Variants in RTN3 observed in about 807,000 individuals in gnomAD.
RTN3 encodes the protein reticulon 3.
A neutral mutation model predicts 77.8 loss-of-function variants in RTN3; 49 were observed. The observed-to-expected ratio is 0.63, with a 90% CI of 0.50 to 0.80. RTN3 has a LOEUF of 0.80. RTN3 is among the 30% of genes least tolerant of loss of function. The pLI, the probability that RTN3 is intolerant of heterozygous loss-of-function variation, is 0.00. For synonymous variants in RTN3, 464 were observed against 446.9 expected, an observed-to-expected ratio of 1.04 and a Z score of -0.48; for missense variants, 1,236 against 1,211.9, an observed-to-expected ratio of 1.02 and a Z score of -0.29.
chr11:63,753,749 G>A, intron 7 of RTN3, 41 bp downstream of exon 7: 4 of 1,518,552 alleles, frequency 2.6e-6, no homozygotes, highest in Non-Finnish European at 3.7e-6. Flanking sequence ...GCCAGTTGAT[G>A]TATGACTAGT....
At chr11:63,704,775 C>T in intron 1 of RTN3, 76 bp from the exon 2 acceptor site, 1 of 1,024,910 alleles carries the variant, frequency 9.8e-7, no homozygotes, top group Non-Finnish European at 1.5e-6. Flanking sequence ...GGCTCTTCCT[C>T]CCCATCAAAA....
At chr11:63,689,599 A>AT (rs879601430) in intron 1 of RTN3, among the ~76,000 whole-genome samples, 5,505 of 146,180 alleles carry the variant, frequency 0.038, 315 homozygotes, top group African/African-American at 0.13. Flanking sequence ...TGCTCTTGTG[A>AT]TTTTTTTTTT....
intron 3 of RTN3, among the ~76,000 whole-genome samples, chr11:63,737,863 A>G (rs967516929): frequency 2.6e-5 from 4 of 152,220 alleles, no homozygotes; most frequent in Non-Finnish European, 5.9e-5. Flanking sequence ...AGACTTATCT[A>G]TGGCCAAAAG....
Position 63,758,146 on chromosome 11 carries a change from T to G in RTN3, c.3054-10T>G. ...CACTTTCTTTCTTTTTCCCCTCCTT[T>G]TCTCAATAGGATCCAAGCAAAACTC... On this transcript the variant is annotated splice_polypyrimidine_tract_variant and intron_variant, in intron 8 of 8. Coordinates refer to ENST00000377819, the MANE Select transcript of RTN3 (RefSeq NM_001265589.2). The G allele has an allele frequency of 6.4e-7, 1 of 1,564,342 alleles. No individual in the cohort carries two copies. Among genetic ancestry groups the G allele is most frequent in the Middle Eastern group, 1.7e-4 (1 of 5,878 alleles).
intron 3 of RTN3, among the ~76,000 whole-genome samples, chr11:63,735,109 C>T (rs1387936026): frequency 2.0e-5 from 3 of 152,174 alleles, no homozygotes; most frequent in East Asian, 1.9e-4. Flanking sequence ...TCATTGTAAC[C>T]TCCGCCTCTA....
rs770017108 is a variant in RTN3 at position 63,719,730 on chromosome 11, C to T, written c.1228C>T (p.Leu410Phe). 5 of 1,614,142 alleles carry T rather than the reference C, an allele frequency of 3.1e-6. No individual in the cohort carries two copies. Among genetic ancestry groups the T allele is most frequent in the Non-Finnish European group, 4.2e-6 (5 of 1,180,016 alleles). The change falls in exon 3 of 9, where the codon CTC (leucine) becomes TTC (phenylalanine). Residue 410 changes from leucine (L) to phenylalanine (F), a missense_variant. This residue lies in a region of RTN3 where 1,056 missense variants were observed against 990.4 expected (regional missense o/e 1.07). Coordinates refer to ENST00000377819, the MANE Select transcript of RTN3 (RefSeq NM_001265589.2). ...KSTGDWAEAS[L>F]QQENAITGKP... is the part of the protein sequence containing the mutation. Reference sequence around the variant, plus strand: ...AACAGGTGATTGGGCAGAAGCATCTCTCCAGCAAGAAAATGCTATTACTGG... The same window carrying T: ...AACAGGTGATTGGGCAGAAGCATCTTTCCAGCAAGAAAATGCTATTACTGG...
Position 63,754,775 on chromosome 11 carries a change from A to G in RTN3, c.2994+1067A>G, listed in dbSNP as rs1161827754. Among the ~76,000 whole-genome samples the G allele has an allele frequency of 2.0e-5, 3 of 150,480 alleles. No homozygotes were observed. In the Admixed American group the frequency reaches 2.0e-4, roughly 10 times the overall value. ...ACCCCGTCTCTACTAAAAATACAAA[A>G]AATTAGCCAGGCATGGTGGCGGGCG... is the stretch of plus-strand genomic sequence containing the variant. On this transcript the variant is annotated intron_variant, in intron 7 of 8. Transcript: ENST00000377819.
chr11:63,681,611 C>T lies in RTN3; in HGVS notation c.-26C>T, dbSNP rs11551938. 1.3e-6 allele frequency: 2 copies of T among 1,573,344 alleles called. No homozygotes were observed. Among genetic ancestry groups the T allele is most frequent in the Middle Eastern group, 1.8e-4 (1 of 5,518 alleles). On this transcript the variant is annotated 5_prime_UTR_variant, in exon 1 of 9. Coordinates refer to ENST00000377819, the MANE Select transcript of RTN3 (RefSeq NM_001265589.2). Reference sequence around the variant, plus strand: ...CTCCCGCCCCGTATCTCTTTTCACCCTTCTCCCACCCTCGCTCGCGTAGCC... The same window carrying T: ...CTCCCGCCCCGTATCTCTTTTCACCTTTCTCCCACCCTCGCTCGCGTAGCC...
At chr11:63,736,989 T>TC (rs1555078435) in intron 3 of RTN3, among the ~76,000 whole-genome samples, 74 of 150,708 alleles carry the variant, frequency 4.9e-4, no homozygotes, top group African/African-American at 1.7e-3. Flanking sequence ...TTTTTTTTTT[T>TC]CCCTGTGATA....
At chr11:63,725,071 T>C (rs2012143929) in intron 3 of RTN3, among the ~76,000 whole-genome samples, 1 of 152,112 alleles carries the variant, frequency 6.6e-6, no homozygotes, top group South Asian at 2.1e-4. Context: ...TTAGCATTGG[T>C]AGTCATATTT....
chr11:63,743,725 G>A (rs186922816), intron 3 of RTN3, among the ~76,000 whole-genome samples: 1,681 of 152,182 alleles, frequency 0.011, 33 homozygotes, highest in African/African-American at 0.037. Context: ...GACCAGCCTG[G>A]CCAACATGGT....
Position 63,720,439 on chromosome 11 carries a change from T to C in RTN3, c.1937T>C (p.Ile646Thr), listed in dbSNP as rs1240279004. 9 of 1,613,522 alleles carry C rather than the reference T, an allele frequency of 5.6e-6. No homozygotes were observed. Among genetic ancestry groups the C allele is most frequent in the African/African-American group, 1.3e-5 (1 of 74,884 alleles). ...ESLHGKNVKH[I>T]DDSSPEDLIA... Reference sequence around the variant, plus strand: ...TTACATGGGAAAAATGTTAAACATATAGATGATTCCTCCCCAGAGGACCTG... The same window carrying C: ...TTACATGGGAAAAATGTTAAACATACAGATGATTCCTCCCCAGAGGACCTG... The change falls in exon 3 of 9, where the codon ATA (isoleucine) becomes ACA (threonine). Residue 646 changes from isoleucine (I) to threonine (T), a missense_variant. Around this residue, in one of 3 missense-constraint regions of RTN3, gnomAD observed 1,056 missense variants for 990.4 expected, o/e 1.07. Transcript: ENST00000377819.
At chr11:63,732,279 C>CA (rs1295614798) in intron 3 of RTN3, among the ~76,000 whole-genome samples, 1 of 152,100 alleles carries the variant, frequency 6.6e-6, no homozygotes, top group Non-Finnish European at 1.5e-5. Context: ...CTGCCTCAGC[C>CA]AAGTAGCTAG....
At chr11:63,736,683 C>CA (rs978149484) in intron 3 of RTN3, among the ~76,000 whole-genome samples, 8 of 151,924 alleles carry the variant, frequency 5.3e-5, no homozygotes, top group East Asian at 1.9e-4. Flanking sequence ...GACTCCGTCT[C>CA]AAAAAAATTT....
intron 1 of RTN3, among the ~76,000 whole-genome samples, chr11:63,690,533 C>T (rs1941600649): frequency 6.6e-6 from 1 of 152,180 alleles, no homozygotes; most frequent in Admixed American, 6.5e-5. Flanking sequence ...CCCCTTCTTA[C>T]AGATGGGGAC....
chr11:63,735,664 G>C (rs1186714334), intron 3 of RTN3, among the ~76,000 whole-genome samples: 1 of 143,276 alleles, frequency 7.0e-6, no homozygotes, highest in African/African-American at 2.6e-5. Context: ...TGAGTGGCTA[G>C]GATTGCAGGC....
chr11:63,702,498 T>C (rs1386412360), intron 1 of RTN3, among the ~76,000 whole-genome samples: 1 of 151,570 alleles, frequency 6.6e-6, no homozygotes, highest in Non-Finnish European at 1.5e-5. Context: ...GTATCTTTAG[T>C]AGAGACAGAG....
intron 8 of RTN3, 40 bp from the exon 9 acceptor site, chr11:63,758,116 G>A (rs752885375): frequency 7.1e-7 from 1 of 1,408,460 alleles, no homozygotes; most frequent in Non-Finnish European, 9.9e-7. Context: ...AAATGCTAAT[G>A]TTTTCACTTT....
At chr11:63,716,507 C>G (rs902001992) in intron 2 of RTN3, among the ~76,000 whole-genome samples, 1 of 152,196 alleles carries the variant, frequency 6.6e-6, no homozygotes, top group East Asian at 1.9e-4. Flanking sequence ...CACTTTGTCC[C>G]AGCTCCAAAG....
Sources: gnomAD v4.1 joint callset for allele counts (sites outside exome capture counted in the v4.1 genomes callset) on GRCh38, gnomAD v4.1.1 for gene constraint, gnomAD v4.1.1 regional missense constraint, MANE v1.5 for transcripts, NCBI Gene and HGNC (gene_info 2026-07-23, HGNC 2026-07-21) for gene names.